The following MATR3 variants were observed in gnomAD, a reference collection of about 807,000 sequenced individuals.
MATR3 encodes matrin-3.
Under a neutral mutation model 85.5 loss-of-function variants are expected in MATR3, and 4 were observed. The observed-to-expected ratio is 0.05, with a 90% confidence interval of 0.02 to 0.11. The LOEUF (loss-of-function observed/expected upper bound fraction) is 0.11, where lower values mean the gene tolerates loss of function less well. Ranked by LOEUF, MATR3 falls within the 10% of genes least tolerant of loss-of-function variation. The pLI, the probability that MATR3 is intolerant of heterozygous loss-of-function variation, is 1.00. For synonymous variants in MATR3, 336 were observed against 343.1 expected (o/e 0.98, Z 0.23); for missense variants, 685 against 1,016.1 (o/e 0.67, Z 4.43).
intron 1 of MATR3, among the ~76,000 whole-genome samples, chr5:139,297,922 C>G (rs1221161043): frequency 6.6e-6 from 1 of 152,128 alleles, no homozygotes; most frequent in African/African-American, 2.4e-5. Context: ...AGTAGGAAAA[C>G]AAGAGGGGAG....
chr5:139,320,745 T>C (rs1755519332), intron 9 of MATR3, among the ~76,000 whole-genome samples: 3 of 68,180 alleles, frequency 4.4e-5, no homozygotes, highest in East Asian at 2.6e-3. Context: ...GCTTATTACT[T>C]TTTTTTTTTT....
In MATR3 at chr5:139,322,477, C is replaced by T. The variant is rs968633363; in HGVS notation, c.1749C>T (p.Gly583=). 2.5e-6 allele frequency: 4 copies of T among 1,613,924 alleles called. No individual in the cohort carries two copies. The highest frequency in any genetic ancestry group is 1.7e-5 in the Admixed American group (1 of 60,014). The part of the protein sequence containing the change: ...KKLVLRIPNR[G]IDLLKKDKSR... ...TTGTCTTTTAGATTCCAAACAGAGG[C>T]ATTGATTTACTGAAAAAAGATAAAT... is the stretch of plus-strand genomic sequence containing the variant. The change falls in exon 11 of 15, where the codon GGC becomes GGT. Residue 583 remains glycine (G), a synonymous_variant. Coordinates refer to ENST00000394805, the MANE Select transcript of MATR3 (RefSeq NM_018834.6).
At chr5:139,313,592 A>G (rs1242531157) in intron 2 of MATR3, 1 of 152,186 alleles carries the variant, frequency 6.6e-6, no homozygotes, top group Admixed American at 6.5e-5. Flanking sequence ...TTTCCTAAAG[A>G]AATTTATTTG....
chr5:139,304,070 AG>A (rs1754590363), intron 1 of MATR3, among the ~76,000 whole-genome samples: 1 of 152,244 alleles, frequency 6.6e-6, no homozygotes, highest in East Asian at 1.9e-4. Flanking sequence ...AACCATACAT[AG>A]GGATGATACT....
intron 1 of MATR3, among the ~76,000 whole-genome samples, chr5:139,304,818 TAGTA>T (rs939779011): frequency 2.3e-4 from 35 of 152,230 alleles, no homozygotes; most frequent in African/African-American, 8.0e-4. Flanking sequence ...TGTAAATCTT[TAGTA>T]AGTGTCTCCA....
At chr5:139,327,054 AT>A (rs1348045791) in intron 14 of MATR3, among the ~76,000 whole-genome samples, 2 of 152,218 alleles carry the variant, frequency 1.3e-5, no homozygotes, top group African/African-American at 4.8e-5. Context: ...CTAAAGAATA[AT>A]TCCTATTGAG....
At chr5:139,295,624 G>T (rs766417659) in intron 1 of MATR3, among the ~76,000 whole-genome samples, 2 of 152,118 alleles carry the variant, frequency 1.3e-5, no homozygotes, top group African/African-American at 2.4e-5. Flanking sequence ...TTTTACTAAT[G>T]CTTTTAGAGT....
chr5:139,326,113 T>C (rs1439205756), intron 13 of MATR3, 50 bp from the exon 14 acceptor site: 1 of 1,441,732 alleles, frequency 6.9e-7, no homozygotes, highest in Non-Finnish European at 9.7e-7. Context: ...TTGTGAATAC[T>C]AAATAAAATC....
intron 1 of MATR3, among the ~76,000 whole-genome samples, chr5:139,305,632 T>C (rs1329336258): frequency 6.6e-6 from 1 of 152,196 alleles, no homozygotes; most frequent in African/African-American, 2.4e-5. Flanking sequence ...AAAGAAACTT[T>C]CATCTGAAGA....
chr5:139,300,743 A>G (rs929637470), intron 1 of MATR3, among the ~76,000 whole-genome samples: 16 of 152,270 alleles, frequency 1.1e-4, no homozygotes, highest in Non-Finnish European at 2.4e-4. Context: ...CCAGGGTTCA[A>G]GTGATTCTTC....
At chr5:139,302,724 A>G (rs1754515167) in intron 1 of MATR3, among the ~76,000 whole-genome samples, 1 of 152,252 alleles carries the variant, frequency 6.6e-6, no homozygotes, top group Non-Finnish European at 1.5e-5. Flanking sequence ...GCCATCTATC[A>G]GTGACATAGG....
At chr5:139,327,496 A>G (rs1459972407) in intron 14 of MATR3, among the ~76,000 whole-genome samples, 1 of 152,012 alleles carries the variant, frequency 6.6e-6, no homozygotes, top group Non-Finnish European at 1.5e-5. Context: ...ATTTTGGCTC[A>G]CCCCAACCCC....
upstream of MATR3, among the ~76,000 whole-genome samples, chr5:139,289,069 A>G (rs1301301478): frequency 6.6e-6 from 1 of 152,206 alleles, no homozygotes; most frequent in Non-Finnish European, 1.5e-5. Context: ...GGCGTGAGCC[A>G]CCACACCCGG....
intron 1 of MATR3, among the ~76,000 whole-genome samples, chr5:139,296,078 C>T (rs1388227483): frequency 4.6e-5 from 7 of 152,068 alleles, no homozygotes; most frequent in Admixed American, 4.6e-4. Context: ...GATTCAGACT[C>T]CTTCATAGTA....
At chr5:139,280,691 G>A (rs1753483732) in intron 3 of MATR3, 1 of 152,210 alleles carries the variant, frequency 6.6e-6, no homozygotes, top group Admixed American at 6.5e-5. Flanking sequence ...GGCTCCTAAG[G>A]AAAGAGGAAA....
upstream of MATR3, chr5:139,293,394 G>T (rs1753949078): frequency 6.6e-6 from 1 of 152,198 alleles, no homozygotes; most frequent in Non-Finnish European, 1.5e-5. Context: ...CTAAGCCAGG[G>T]ACTCTCGCGA....
rs189752689 is a variant in MATR3, at chr5:139,325,574, C to T, written c.2283C>T (p.Asn761=). Residue 761 remains asparagine, a synonymous_variant, in exon 13 of 15, where the codon AAC becomes AAT. Transcript: ENST00000394805. The part of the protein sequence containing the change: ...ADDPNKDTSE[N]ADGQSDENKD... ...ATCCCAACAAAGATACAAGTGAAAA[C>T]GCAGATGGTCAAAGTGATGAGAACA... The T allele has an allele frequency of 4.2e-4, 678 of 1,614,154 alleles. 6 individuals carry two copies. The East Asian group carries it at 0.015, about 35-fold the overall frequency.
intron 13 of MATR3, 76 bp downstream of exon 13, chr5:139,325,738 A>G (rs1217389187): frequency 1.5e-6 from 2 of 1,339,028 alleles, no homozygotes; most frequent in African/African-American, 2.9e-5. Context: ...ATAAGATTTT[A>G]AAGTTGGTCT....
intron 1 of MATR3, among the ~76,000 whole-genome samples, chr5:139,300,357 T>A (rs1247487257): frequency 1.3e-5 from 2 of 152,182 alleles, no homozygotes; most frequent in East Asian, 1.9e-4. Context: ...TGTGCGAGAC[T>A]CTGTCTCAAA....
Sources: gnomAD v4.1 joint callset for allele counts (sites outside exome capture counted in the v4.1 genomes callset) on GRCh38, gnomAD v4.1.1 for gene constraint, MANE v1.5 for transcripts, NCBI Gene and HGNC (gene_info 2026-07-23, HGNC 2026-07-21) for gene names.